The following QKI variants were observed in gnomAD, a reference collection of about 807,000 sequenced individuals.
The protein encoded by QKI is QKI, KH domain containing RNA binding.
QKI carries 10 observed loss-of-function variants against 39.0 expected under a neutral mutation model. That is an observed-to-expected ratio of 0.26 (90% CI 0.16 to 0.43). The LOEUF is 0.43. Among genes scored for constraint, QKI ranks in the 20% least tolerant of loss-of-function variants. The probability of loss-of-function intolerance (pLI) is 1.00; values close to 1 mark genes in which losing one functional copy is unlikely to be tolerated. For synonymous variants in QKI, 204 were observed against 155.4 expected (o/e 1.31, Z -2.33); for missense variants, 218 against 428.0 (o/e 0.51, Z 4.33).
chr6:163,441,339 A>G (rs1158814427), intron 1 of QKI, among the ~76,000 whole-genome samples: 1 of 152,194 alleles, frequency 6.6e-6, no homozygotes, highest in East Asian at 1.9e-4. Flanking sequence ...AAGAGGAGTA[A>G]GCTAGCTAGA....
chr6:163,424,628 T>C (rs1788268425), intron 1 of QKI, among the ~76,000 whole-genome samples: 1 of 150,952 alleles, frequency 6.6e-6, no homozygotes, highest in Admixed American at 6.8e-5. Context: ...GCAGCATCAC[T>C]GCTTGGTTTT....
chr6:163,417,659 A>G (rs1176793099), intron 1 of QKI, among the ~76,000 whole-genome samples: 1 of 152,180 alleles, frequency 6.6e-6, no homozygotes, highest in African/African-American at 2.4e-5. Context: ...TTTTAAATGT[A>G]AGAGACCACT....
At chr6:163,453,155 C>T (rs184588520) in intron 1 of QKI, among the ~76,000 whole-genome samples, 2 of 149,874 alleles carry the variant, frequency 1.3e-5, no homozygotes, top group East Asian at 3.9e-4. Context: ...TTTTTTCTTC[C>T]CTAGATTTAT....
At chr6:163,447,251 T>A (rs1315915846) in intron 1 of QKI, among the ~76,000 whole-genome samples, 4 of 79,866 alleles carry the variant, frequency 5.0e-5, no homozygotes, top group African/African-American at 1.4e-4. Context: ...TGCACGTGAT[T>A]TTTTTTTTTT....
intron 4 of QKI, among the ~76,000 whole-genome samples, chr6:163,550,948 C>CAAAA (rs398003272): frequency 7.3e-6 from 1 of 136,408 alleles, no homozygotes; most frequent in Non-Finnish European, 1.6e-5. Flanking sequence ...CTCTGTCTCA[C>CAAAA]AAAAAAAAAA....
At chr6:163,525,162 T>G (rs2128238719) in intron 3 of QKI, among the ~76,000 whole-genome samples, 1 of 152,340 alleles carries the variant, frequency 6.6e-6, no homozygotes, top group Middle Eastern at 3.4e-3. Context: ...ATGGAGCATT[T>G]GCACAGTGAA....
At chr6:163,532,518 ATAATT>A (rs1257327030) in intron 3 of QKI, among the ~76,000 whole-genome samples, 3 of 152,232 alleles carry the variant, frequency 2.0e-5, no homozygotes, top group African/African-American at 7.2e-5. Flanking sequence ...TTAGTTGGAA[ATAATT>A]TAAGGCATTT....
intron 4 of QKI, among the ~76,000 whole-genome samples, chr6:163,540,795 C>T (rs1490355622): frequency 1.3e-5 from 2 of 152,042 alleles, no homozygotes; most frequent in Non-Finnish European, 2.9e-5. Flanking sequence ...GGTGACAAAA[C>T]ATGAAATAAC....
chr6:163,543,997 T>C (rs376855961), intron 4 of QKI, among the ~76,000 whole-genome samples: 1 of 152,108 alleles, frequency 6.6e-6, no homozygotes, highest in East Asian at 1.9e-4. Context: ...ATTTTTATCT[T>C]TGTCATAGTT....
intron 3 of QKI, among the ~76,000 whole-genome samples, chr6:163,479,937 G>A (rs3846780): frequency 0.028 from 4,233 of 152,230 alleles, 191 homozygotes; most frequent in African/African-American, 0.096. Flanking sequence ...GCTATCACTA[G>A]CCATATGAGA....
intron 1 of QKI, among the ~76,000 whole-genome samples, chr6:163,454,108 T>C (rs1260475409): frequency 6.6e-6 from 1 of 152,132 alleles, no homozygotes; most frequent in East Asian, 1.9e-4. Context: ...CAAGCCTTTC[T>C]CCCAAGGAGG....
chr6:163,461,909 C>T (rs1171089373), intron 2 of QKI, among the ~76,000 whole-genome samples: 1 of 152,080 alleles, frequency 6.6e-6, no homozygotes, highest in Non-Finnish European at 1.5e-5. Context: ...CATTTCAGTT[C>T]CTGTTTATAA....
intron 2 of QKI, among the ~76,000 whole-genome samples, chr6:163,463,518 G>T (rs1791495321): frequency 6.6e-6 from 1 of 152,126 alleles, no homozygotes; most frequent in East Asian, 1.9e-4. Context: ...AGCAGCAAAG[G>T]GGAAAAATTA....
At chr6:163,565,243 C>G in intron 6 of QKI, 3 of 988,194 alleles carry the variant, frequency 3.0e-6, no homozygotes, top group Non-Finnish European at 3.6e-6. Flanking sequence ...TATTAATACT[C>G]TGTCCTGTGG....
chr6:163,547,461 G>T (rs1366400873), intron 4 of QKI, among the ~76,000 whole-genome samples: 1 of 152,064 alleles, frequency 6.6e-6, no homozygotes, highest in Non-Finnish European at 1.5e-5. Context: ...CTGTAACCAT[G>T]CCTCCAGTTA....
intron 1 of QKI, among the ~76,000 whole-genome samples, chr6:163,425,833 A>G (rs1788363197): frequency 6.6e-6 from 1 of 152,198 alleles, no homozygotes; most frequent in African/African-American, 2.4e-5. Flanking sequence ...AAGACAATTG[A>G]AGAGACTCTT....
intron 2 of QKI, among the ~76,000 whole-genome samples, chr6:163,477,046 C>T (rs1373774290): frequency 3.6e-5 from 5 of 138,948 alleles, no homozygotes; most frequent in South Asian, 2.2e-4. Flanking sequence ...GACAGAGTCT[C>T]GCTTTATTGC....
intron 4 of QKI, among the ~76,000 whole-genome samples, chr6:163,546,250 C>T (rs1016048673): frequency 6.6e-6 from 1 of 151,654 alleles, no homozygotes; most frequent in African/African-American, 2.4e-5. Flanking sequence ...CAATTATTTT[C>T]ATACATCACT....
intron 1 of QKI, among the ~76,000 whole-genome samples, chr6:163,435,927 GT>G (rs1444885247): frequency 6.6e-6 from 1 of 152,010 alleles, no homozygotes; most frequent in Admixed American, 6.5e-5. Context: ...GAAAATCTGG[GT>G]TTTTGTCATT....
Sources: gnomAD v4.1 joint callset for allele counts (sites outside exome capture counted in the v4.1 genomes callset) on GRCh38, gnomAD v4.1.1 for gene constraint, MANE v1.5 for transcripts, NCBI Gene and HGNC (gene_info 2026-07-23, HGNC 2026-07-21) for gene names.